COL17A1: variants seen among roughly 807,000 people sequenced by gnomAD.
The protein encoded by COL17A1 is collagen alpha-1(XVII) chain.
In COL17A1, 181 loss-of-function variants were observed where a neutral mutation model predicts 218.4. The ratio of observed to expected loss-of-function variants is 0.83; its 90% CI spans 0.73 to 0.94. The LOEUF (loss-of-function observed/expected upper bound fraction) is 0.94. Among genes scored for constraint, COL17A1 ranks in the 40% least tolerant of loss-of-function variants. COL17A1 has a pLI of 0.00. For synonymous variants in COL17A1, 721 were observed against 731.0 expected, an observed-to-expected ratio of 0.99 and a Z score of 0.22; for missense variants, 1,924 against 1,945.9, an observed-to-expected ratio of 0.99 and a Z score of 0.21.
chr10:104,043,749 A>G, intron 34 of COL17A1, 76 bp downstream of exon 34: 1 of 1,580,562 alleles, frequency 6.3e-7, no homozygotes, highest in Non-Finnish European at 8.7e-7. Context: ...CATCCTGCCC[A>G]GAACGCTGCA....
intron 5 of COL17A1, among the ~76,000 whole-genome samples, chr10:104,075,884 C>T (rs552867516): frequency 1.3e-5 from 2 of 152,362 alleles, no homozygotes; most frequent in East Asian, 3.9e-4. Context: ...GATGTCCCCT[C>T]CTCCATAGAA....
Position 104,052,172 on chromosome 10 carries a change from C to T in COL17A1, c.1985G>A (p.Gly662Asp). 6.2e-7 allele frequency: 1 copy of T among 1,614,162 alleles called. No individual in the cohort carries two copies. The highest frequency in any genetic ancestry group is 8.5e-7 in the Non-Finnish European group (1 of 1,180,016). The change falls in exon 24 of 56, where the codon GGT becomes GAT. Residue 662 changes from glycine to aspartate, a missense_variant. Physicochemically the swap from Gly to Asp is moderately conservative, Grantham distance 94. Transcript: ENST00000648076. Reference protein sequence around the residue: ...PGPHGPPGVPGSVGPKGSSGS... With the variant: ...PGPHGPPGVPDSVGPKGSSGS... ...GGACTTACCTTTGGGACCCACAGAA[C>T]CTGGGACACCAGGTGGGCCATGAGG... is the stretch of plus-strand genomic sequence containing the variant.
chr10:104,066,229 C>A (rs2086625027), intron 9 of COL17A1, among the ~76,000 whole-genome samples: 1 of 152,168 alleles, frequency 6.6e-6, no homozygotes, highest in Non-Finnish European at 1.5e-5. Flanking sequence ...CAAGACAACC[C>A]TAAACAAACA....
chr10:104,065,703 C>T (rs1187605684), intron 9 of COL17A1, among the ~76,000 whole-genome samples: 1 of 152,194 alleles, frequency 6.6e-6, no homozygotes, highest in African/African-American at 2.4e-5. Flanking sequence ...TAGGGCTGGG[C>T]TATGCATATG....
intron 12 of COL17A1, 83 bp from the exon 13 acceptor site, chr10:104,061,556 A>C (rs1589571129): frequency 9.0e-7 from 1 of 1,115,098 alleles, no homozygotes. Context: ...GCAGAGAGGT[A>C]CCCCCGACCC....
chr10:104,073,572 C>CA (rs1240189464), intron 6 of COL17A1, among the ~76,000 whole-genome samples: 2 of 152,184 alleles, frequency 1.3e-5, no homozygotes, highest in Non-Finnish European at 2.9e-5. Flanking sequence ...TCAAATGTAT[C>CA]AAAAAGCTCC....
chr10:104,062,461 TC>T, intron 11 of COL17A1, 132 bp from the exon 12 acceptor site: 1 of 1,212,188 alleles, frequency 8.2e-7, no homozygotes, highest in Non-Finnish European at 1.2e-6. Flanking sequence ...CTTCCTCGGT[TC>T]CCACACTCTT....
intron 35 of COL17A1, 73 bp downstream of exon 35, chr10:104,043,428 G>A (rs985527226): frequency 3.6e-6 from 5 of 1,386,112 alleles, no homozygotes; most frequent in Non-Finnish European, 5.1e-6. Flanking sequence ...TTCAGGATCT[G>A]AAGAAATATG....
chr10:104,058,214 T>C, intron 15 of COL17A1, 24 bp from the exon 16 acceptor site: 3 of 1,614,096 alleles, frequency 1.9e-6, no homozygotes, highest in Non-Finnish European at 1.7e-6. Context: ...CAGATTGACC[T>C]GAGCTTTTAA....
intron 9 of COL17A1, among the ~76,000 whole-genome samples, chr10:104,068,830 T>G (rs1014386245): frequency 6.6e-6 from 1 of 152,008 alleles, no homozygotes; most frequent in Non-Finnish European, 1.5e-5. Context: ...ATCCCTAAGG[T>G]GATATTAAAA....
intron 8 of COL17A1, 136 bp downstream of exon 8, chr10:104,071,896 T>C (rs2086671843): frequency 2.1e-6 from 3 of 1,407,786 alleles, no homozygotes; most frequent in Non-Finnish European, 3.0e-6. Flanking sequence ...CCCTTAAAGA[T>C]GTTTTATGAT....
In COL17A1 at chr10:104,035,494, T is replaced by C; in HGVS notation, c.3488A>G (p.Glu1163Gly). 1 of 1,613,546 alleles carries C rather than the reference T, an allele frequency of 6.2e-7. No homozygotes were observed. ...PPGLPGTSYE[E>G]LLSLLRGSEF... is the part of the protein sequence containing the mutation. ...CTTACCTCGCAGCAAGGAGAGGAGC[T>C]CCTCATAGGAGGTTCCCGGCAAGCC... is the stretch of plus-strand genomic sequence containing the variant. The change falls in exon 49 of 56, where the codon GAG (glutamate) becomes GGG (glycine). Residue 1163 changes from glutamate to glycine, a missense_variant. Transcript: ENST00000648076.
At chr10:104,064,061 G>A (rs2086605040) in intron 10 of COL17A1, among the ~76,000 whole-genome samples, 1 of 152,212 alleles carries the variant, frequency 6.6e-6, no homozygotes, top group Admixed American at 6.5e-5. Flanking sequence ...TGGACAGTGG[G>A]TCCAGCCAAA....
At chr10:104,045,839 T>C (rs2086403842) in intron 32 of COL17A1, 46 bp from the exon 33 acceptor site, 2 of 1,535,358 alleles carry the variant, frequency 1.3e-6, no homozygotes, top group Non-Finnish European at 1.8e-6. Flanking sequence ...GGCCCAGCAA[T>C]TCCAGATACC....
At chr10:104,084,851 C>G (rs1470215752) in intron 1 of COL17A1, among the ~76,000 whole-genome samples, 1 of 152,092 alleles carries the variant, frequency 6.6e-6, no homozygotes, top group East Asian at 1.9e-4. Flanking sequence ...AAATAAATAC[C>G]TTTTAAAAAT....
At chr10:104,063,357 G>A (rs2086599226) in intron 11 of COL17A1, among the ~76,000 whole-genome samples, 1 of 152,188 alleles carries the variant, frequency 6.6e-6, no homozygotes, top group South Asian at 2.1e-4. Flanking sequence ...TATATTTATA[G>A]AAAGATCTGA....
At position 104,048,049 on chromosome 10, in the gene COL17A1, G is replaced by T; in HGVS notation, c.2263+20C>A. 6.2e-7 allele frequency: 1 copy of T among 1,614,064 alleles called. No homozygotes were observed. The highest frequency in any genetic ancestry group is 8.5e-7 in the Non-Finnish European group (1 of 1,179,940). On this transcript the variant is annotated intron_variant, in intron 30 of 55. Transcript: ENST00000648076. ...GGCTGTGACGGGAGTGAGGCTGGGG[G>T]CAGCAGATGAGTGACCAACCTCTTG...
chr10:104,050,310 G>GT (rs1360319340), intron 27 of COL17A1, among the ~76,000 whole-genome samples, 186 bp from the exon 28 acceptor site: 1 of 152,154 alleles, frequency 6.6e-6, no homozygotes, highest in Admixed American at 6.5e-5. Flanking sequence ...GGCAGAGTCA[G>GT]TTCCCCCCCT....
Position 104,034,141 on chromosome 10 carries a change from G to A in COL17A1, c.3960C>T (p.Ser1320=). 1.9e-6 allele frequency: 3 copies of A among 1,613,928 alleles called. No individual in the cohort carries two copies. Among genetic ancestry groups the A allele is most frequent in the Non-Finnish European group, 2.5e-6 (3 of 1,180,008 alleles). The change falls in exon 52 of 56, where the codon TCC becomes TCT. Residue 1320 remains serine, a synonymous_variant. Coordinates refer to ENST00000648076, the MANE Select transcript of COL17A1 (RefSeq NM_000494.4). ...SMSTGGGGAG[S]LGAGGAFGEA... is the part of the protein sequence containing the mutation. ...CACCAAAGGCACCGCCTGCACCCAGGGAGCCTGCACCACCTCCTCCTGTGC... is the reference window on the plus strand; with the variant it reads ...CACCAAAGGCACCGCCTGCACCCAGAGAGCCTGCACCACCTCCTCCTGTGC...
Sources: gnomAD v4.1 joint callset for allele counts (sites outside exome capture counted in the v4.1 genomes callset) on GRCh38, gnomAD v4.1.1 for gene constraint, MANE v1.5 for transcripts, NCBI Gene and HGNC (gene_info 2026-07-23, HGNC 2026-07-21) for gene names.